The following SLC24A3 variants were observed in gnomAD, a reference collection of about 807,000 sequenced individuals.
SLC24A3 encodes the protein sodium/potassium/calcium exchanger 3.
In SLC24A3, 28 loss-of-function variants were observed where a neutral mutation model predicts 75.8. That is an observed-to-expected ratio of 0.37 (90% CI 0.27 to 0.51). The LOEUF is 0.51. Among genes scored for constraint, SLC24A3 ranks in the 20% least tolerant of loss-of-function variants. SLC24A3 has a pLI of 0.94. For synonymous variants in SLC24A3, 372 were observed against 334.1 expected, an observed-to-expected ratio of 1.11 and a Z score of -1.24; for missense variants, 663 against 847.8, an observed-to-expected ratio of 0.78 and a Z score of 2.71.
At chr20:19,339,934 A>G (rs1985230108) in intron 2 of SLC24A3, among the ~76,000 whole-genome samples, 1 of 152,160 alleles carries the variant, frequency 6.6e-6, no homozygotes, top group African/African-American at 2.4e-5. Flanking sequence ...ATGAAACGAG[A>G]TGTTTGATGA....
At chr20:19,699,238 A>C (rs1207164747) in intron 15 of SLC24A3, among the ~76,000 whole-genome samples, 4 of 152,242 alleles carry the variant, frequency 2.6e-5, no homozygotes, top group African/African-American at 9.6e-5. Context: ...TCACCTTATT[A>C]CAGGCTAAGT....
At chr20:19,426,604 T>G (rs928844566) in intron 2 of SLC24A3, among the ~76,000 whole-genome samples, 4 of 152,266 alleles carry the variant, frequency 2.6e-5, no homozygotes, top group Non-Finnish European at 4.4e-5. Context: ...TCAGTTATTT[T>G]GATGCATGGA....
At chr20:19,378,059 T>C (rs1040742912) in intron 2 of SLC24A3, among the ~76,000 whole-genome samples, 22 of 152,184 alleles carry the variant, frequency 1.4e-4, no homozygotes, top group African/African-American at 5.3e-4. Flanking sequence ...TTCCTGGCCC[T>C]TGGTCTAAAC....
chr20:19,308,454 T>A (rs1220734776), intron 2 of SLC24A3, among the ~76,000 whole-genome samples: 2 of 152,164 alleles, frequency 1.3e-5, no homozygotes, highest in Admixed American at 1.3e-4. Context: ...AACCTGTGAG[T>A]CTGCCTCCGC....
At position 19,304,933 on chromosome 20, in the gene SLC24A3, A is replaced by AT. The variant is rs1293145792; in HGVS notation, c.271+23854dup. Reference sequence around the variant, plus strand: ...TCTGAACTTTAAGACCTGATGAGTTATTTTTTTTCTTTCCTTTTTGAATGC... The same window carrying AT: ...TCTGAACTTTAAGACCTGATGAGTTATTTTTTTTTCTTTCCTTTTTGAATGC... On this transcript the variant is annotated intron_variant, in intron 2 of 16. Coordinates refer to ENST00000328041, the MANE Select transcript of SLC24A3 (RefSeq NM_020689.4). Among the ~76,000 whole-genome samples the AT allele has an allele frequency of 3.3e-5, 5 of 151,954 alleles. No homozygotes were observed. The East Asian group carries it at 9.7e-4, about 29-fold the overall frequency.
chr20:19,678,314 G>C (rs1330879480), intron 9 of SLC24A3, among the ~76,000 whole-genome samples: 1 of 133,860 alleles, frequency 7.5e-6, no homozygotes, highest in Non-Finnish European at 1.7e-5. Context: ...CCTCCCAGAC[G>C]GGGCGGCTGG....
chr20:19,675,096 C>A (rs1234672157), intron 9 of SLC24A3, among the ~76,000 whole-genome samples: 1 of 152,104 alleles, frequency 6.6e-6, no homozygotes, highest in Non-Finnish European at 1.5e-5. Context: ...GTTTCCCATG[C>A]TGTAAGTTAA....
chr20:19,462,796 G>T (rs547958973), intron 2 of SLC24A3, among the ~76,000 whole-genome samples: 1 of 152,296 alleles, frequency 6.6e-6, no homozygotes, highest in Non-Finnish European at 1.5e-5. Flanking sequence ...CATTAGCCTG[G>T]AGGGGGCACC....
chr20:19,355,139 C>G (rs1036898613), intron 2 of SLC24A3: 1 of 152,194 alleles, frequency 6.6e-6, no homozygotes, highest in African/African-American at 2.4e-5. Context: ...GGAACCCAGC[C>G]GGCTCTCCAT....
chr20:19,285,489 A>AAAG (rs1315590795), intron 2 of SLC24A3, among the ~76,000 whole-genome samples: 1 of 149,850 alleles, frequency 6.7e-6, no homozygotes, highest in South Asian at 2.1e-4. Context: ...AAAAAAAAAA[A>AAAG]AAAAAAAAAA....
At chr20:19,563,346 C>A (rs2030906219) in intron 3 of SLC24A3, among the ~76,000 whole-genome samples, 1 of 152,120 alleles carries the variant, frequency 6.6e-6, no homozygotes, top group Non-Finnish European at 1.5e-5. Context: ...AATACACCCA[C>A]AAGAAGTTGC....
At chr20:19,453,872 T>C (rs1467448420) in intron 2 of SLC24A3, among the ~76,000 whole-genome samples, 1 of 152,188 alleles carries the variant, frequency 6.6e-6, no homozygotes, top group Non-Finnish European at 1.5e-5. Context: ...CTTTGGGGGC[T>C]TAGGGTGTTC....
intron 1 of SLC24A3, among the ~76,000 whole-genome samples, chr20:19,235,639 C>T (rs1982144941): frequency 6.6e-6 from 1 of 152,200 alleles, no homozygotes; most frequent in South Asian, 2.1e-4. Flanking sequence ...TGTACTTGCA[C>T]CTTCTGGCTT....
chr20:19,430,110 C>T lies in SLC24A3; in HGVS notation c.272-85378C>T, dbSNP rs180701507. On this transcript the variant is annotated intron_variant, in intron 2 of 16. Coordinates refer to ENST00000328041, the MANE Select transcript of SLC24A3 (RefSeq NM_020689.4). Reference sequence around the variant, plus strand: ...GGTTTGATCTTTCTTCCCCAGCCCCCGACCCCACCCTAATACTATGTCTTT... The same window carrying T: ...GGTTTGATCTTTCTTCCCCAGCCCCTGACCCCACCCTAATACTATGTCTTT... 2.3e-3 allele frequency among the ~76,000 whole-genome samples: 354 copies of T among 152,146 alleles called. 2 individuals are homozygous for T. Among genetic ancestry groups the T allele is most frequent in the East Asian group, 7.6e-3 (39 of 5,158 alleles).
chr20:19,335,952 A>C (rs528129520), intron 2 of SLC24A3, among the ~76,000 whole-genome samples: 57 of 152,326 alleles, frequency 3.7e-4, no homozygotes, highest in African/African-American at 1.1e-3. Flanking sequence ...ATGTGGACCC[A>C]CCATATAGCC....
At chr20:19,291,932 G>T (rs1337789620) in intron 2 of SLC24A3, among the ~76,000 whole-genome samples, 1 of 152,242 alleles carries the variant, frequency 6.6e-6, no homozygotes, top group Non-Finnish European at 1.5e-5. Context: ...TGTGACCTCA[G>T]TTGATAAATG....
At chr20:19,498,342 T>C (rs1224376641) in intron 2 of SLC24A3, among the ~76,000 whole-genome samples, 2 of 152,056 alleles carry the variant, frequency 1.3e-5, no homozygotes, top group East Asian at 1.9e-4. Context: ...CATGGAAAAA[T>C]TGTCTTCCAC....
chr20:19,548,020 C>T (rs1357154257), intron 3 of SLC24A3, among the ~76,000 whole-genome samples: 1 of 152,220 alleles, frequency 6.6e-6, no homozygotes, highest in Admixed American at 6.5e-5. Context: ...CTTCTTCTGA[C>T]TACATTATTT....
At chr20:19,537,776 G>A (rs998975040) in intron 3 of SLC24A3, among the ~76,000 whole-genome samples, 12 of 150,964 alleles carry the variant, frequency 7.9e-5, no homozygotes, top group Middle Eastern at 6.8e-3. Context: ...ACTATTGCAA[G>A]GACAAAAAAC....
Sources: allele counts gnomAD v4.1 joint callset (sites outside exome capture counted in the v4.1 genomes callset), GRCh38; gene constraint gnomAD v4.1.1; transcripts MANE v1.5; gene names NCBI Gene and HGNC (gene_info 2026-07-23, HGNC 2026-07-21).